ZNF804B: variants seen among roughly 807,000 people sequenced by gnomAD.
ZNF804B encodes zinc finger protein 804B.
ZNF804B carries 80 observed loss-of-function variants against 101.4 expected under a neutral mutation model. The ratio of observed to expected loss-of-function variants is 0.79; its 90% CI spans 0.66 to 0.95. The LOEUF (loss-of-function observed/expected upper bound fraction) is 0.95, where lower values mean the gene tolerates loss of function less well. Among genes scored for constraint, ZNF804B ranks in the 40% least tolerant of loss-of-function variants. The pLI, the probability that ZNF804B is intolerant of heterozygous loss-of-function variation, is 0.00. For synonymous variants in ZNF804B, 622 were observed against 558.8 expected (o/e 1.11, Z -1.59); for missense variants, 1,673 against 1,561.9 (o/e 1.07, Z -1.20).
chr7:89,222,083 T>G (rs1789012819), intron 2 of ZNF804B, among the ~76,000 whole-genome samples: 1 of 151,952 alleles, frequency 6.6e-6, no homozygotes, highest in African/African-American at 2.4e-5. Context: ...AAAGACTGAA[T>G]AGAAGCTAAC....
intron 1 of ZNF804B, among the ~76,000 whole-genome samples, chr7:89,176,545 G>A (rs1452958450): frequency 7.0e-6 from 1 of 142,920 alleles, no homozygotes; most frequent in Non-Finnish European, 1.5e-5. Flanking sequence ...AGAAATATTG[G>A]CCTGTGGTTT....
intron 1 of ZNF804B, among the ~76,000 whole-genome samples, chr7:89,184,562 TA>T (rs1788345110): frequency 6.6e-6 from 1 of 152,216 alleles, no homozygotes; most frequent in Non-Finnish European, 1.5e-5. Context: ...TATTTATTAA[TA>T]ATAATTTAGT....
intron 1 of ZNF804B, among the ~76,000 whole-genome samples, chr7:89,171,314 T>TTCTTCTTCTTCTTCTTCC: frequency 8.2e-6 from 1 of 121,320 alleles, no homozygotes; most frequent in African/African-American, 3.1e-5. Flanking sequence ...CTTCTTCTTC[T>TTCTTCTTCTTCTTCTTCC]TCTTCTTCTT....
intron 1 of ZNF804B, among the ~76,000 whole-genome samples, chr7:88,985,552 G>A (rs1421047838): frequency 1.3e-5 from 2 of 152,014 alleles, no homozygotes. Context: ...ACTACACACA[G>A]CAGGAGTGCT....
rs186742227 is a variant in ZNF804B, at chr7:89,243,082, T to C, written c.249+24787T>C. Among the ~76,000 whole-genome samples the C allele has an allele frequency of 1.2e-4, 18 of 151,940 alleles. No individual in the cohort carries two copies. In the East Asian group the frequency reaches 2.7e-3, roughly 23 times the overall value. ...GATTTTACAAAATACAATCTGATAG[T>C]ATTTTCCCTACTTAACATTAATCTT... On this transcript the variant is annotated intron_variant, in intron 2 of 3. Coordinates refer to ENST00000333190, the MANE Select transcript of ZNF804B (RefSeq NM_181646.5).
chr7:89,237,170 A>G, intron 2 of ZNF804B, among the ~76,000 whole-genome samples: 1 of 152,316 alleles, frequency 6.6e-6, no homozygotes, highest in South Asian at 2.1e-4. Context: ...AAACATGAAT[A>G]ACAATAACAT....
At chr7:89,160,053 A>G (rs1791035801) in intron 1 of ZNF804B, among the ~76,000 whole-genome samples, 1 of 152,178 alleles carries the variant, frequency 6.6e-6, no homozygotes, top group Non-Finnish European at 1.5e-5. Context: ...ACTCTCTCTT[A>G]ATCTTGATAG....
At chr7:88,918,772 G>T (rs976235537) in intron 1 of ZNF804B, among the ~76,000 whole-genome samples, 3 of 152,048 alleles carry the variant, frequency 2.0e-5, no homozygotes, top group African/African-American at 7.2e-5. Flanking sequence ...GGATTGGGGG[G>T]TGAGGGGGAC....
intron 1 of ZNF804B, among the ~76,000 whole-genome samples, chr7:89,193,927 C>A (rs1462593380): frequency 3.9e-5 from 6 of 152,252 alleles, no homozygotes; most frequent in Admixed American, 6.5e-5. Flanking sequence ...ACAGTCCCAC[C>A]AACAGTGTAA....
chr7:89,195,080 G>A (rs1464954573), intron 1 of ZNF804B, among the ~76,000 whole-genome samples: 1 of 151,358 alleles, frequency 6.6e-6, no homozygotes, highest in African/African-American at 2.4e-5. Flanking sequence ...CAGAACCAAA[G>A]ACAAAAACCA....
chr7:88,918,575 T>C (rs1792671811), intron 1 of ZNF804B, among the ~76,000 whole-genome samples: 1 of 152,098 alleles, frequency 6.6e-6, no homozygotes, highest in Admixed American at 6.6e-5. Flanking sequence ...TAATGGAAAA[T>C]GAATTGTGTG....
chr7:89,177,573 TATTCTGCAGCC>T (rs1490835307), intron 1 of ZNF804B, among the ~76,000 whole-genome samples: 2 of 152,226 alleles, frequency 1.3e-5, no homozygotes, highest in Admixed American at 1.3e-4. Context: ...GGACAATGTG[TATTCTGCAGCC>T]ATTGAATGAC....
At chr7:89,185,999 A>G (rs1320327546) in intron 1 of ZNF804B, among the ~76,000 whole-genome samples, 1 of 152,154 alleles carries the variant, frequency 6.6e-6, no homozygotes, top group Non-Finnish European at 1.5e-5. Flanking sequence ...AAAATCTATT[A>G]TGGCTGCACA....
chr7:88,890,248 A>G (rs1435258448), intron 1 of ZNF804B, among the ~76,000 whole-genome samples: 2 of 152,180 alleles, frequency 1.3e-5, no homozygotes, highest in Non-Finnish European at 2.9e-5. Context: ...TAGCTCTTCA[A>G]TTTTAACTTT....
chr7:89,025,442 T>TA (rs1374469817), intron 1 of ZNF804B, among the ~76,000 whole-genome samples: 1 of 152,038 alleles, frequency 6.6e-6, no homozygotes, highest in African/African-American at 2.4e-5. Flanking sequence ...TATACTATTA[T>TA]AAAAAAATGA....
intron 1 of ZNF804B, among the ~76,000 whole-genome samples, chr7:89,003,178 G>A (rs932868107): frequency 6.6e-6 from 1 of 151,850 alleles, no homozygotes; most frequent in Admixed American, 6.6e-5. Flanking sequence ...AATAGTACAT[G>A]CGTGATTTTG....
chr7:88,874,437 C>G (rs1225862424), intron 1 of ZNF804B, among the ~76,000 whole-genome samples: 2 of 151,928 alleles, frequency 1.3e-5, no homozygotes, highest in East Asian at 3.9e-4. Context: ...TTGACTTCCT[C>G]TTTTCCTAAT....
chr7:88,843,895 A>G (rs887328599), intron 1 of ZNF804B, among the ~76,000 whole-genome samples: 2 of 152,096 alleles, frequency 1.3e-5, no homozygotes, highest in African/African-American at 4.8e-5. Flanking sequence ...TCGATCTAGA[A>G]AAAAATAAAC....
At chr7:89,037,689 A>G (rs1443441648) in intron 1 of ZNF804B, among the ~76,000 whole-genome samples, 1 of 151,984 alleles carries the variant, frequency 6.6e-6, no homozygotes, top group Non-Finnish European at 1.5e-5. Flanking sequence ...CTCTCTTTGT[A>G]AATTTCAAGT....
Sources: allele counts gnomAD v4.1 joint callset (sites outside exome capture counted in the v4.1 genomes callset), GRCh38; gene constraint gnomAD v4.1.1; transcripts MANE v1.5; gene names NCBI Gene and HGNC (gene_info 2026-07-23, HGNC 2026-07-21).